Variants in AIG1 observed in about 807,000 individuals in gnomAD.
AIG1 encodes the protein androgen-induced gene 1 protein.
Under a neutral mutation model 31.4 loss-of-function variants are expected in AIG1, and 23 were observed. The ratio of observed to expected loss-of-function variants is 0.73; its 90% CI spans 0.53 to 1.04. AIG1 has a LOEUF of 1.04. Among genes scored for constraint, AIG1 ranks in the 50% least tolerant of loss-of-function variants. The pLI, the probability that AIG1 is intolerant of heterozygous loss-of-function variation, is 0.00. For missense variants in AIG1, 274 were observed against 295.0 expected (o/e 0.93, Z 0.52); for synonymous variants, 100 against 110.5 (o/e 0.90, Z 0.60).
chr6:143,287,332 A>C (rs1307042895), intron 4 of AIG1, among the ~76,000 whole-genome samples: 2 of 152,104 alleles, frequency 1.3e-5, no homozygotes, highest in Non-Finnish European at 2.9e-5. Context: ...TTAGTTCCCC[A>C]AACAGTCCTT....
Position 143,327,381 on chromosome 6 carries a change from G to A in AIG1, c.516-5901G>A. ...ATCAACATTCACAAGCGCGTCCATGGAGTGGGCTTCAAGAAGTCTGCCCCT... is the reference window on the plus strand; with the variant it reads ...ATCAACATTCACAAGCGCGTCCATGAAGTGGGCTTCAAGAAGTCTGCCCCT... On this transcript the variant is annotated intron_variant, in intron 4 of 5. Transcript: ENST00000357847. The surrounding 1 kb of genome is among the most constrained non-coding windows in gnomAD (Gnocchi z 5.3). The A allele has an allele frequency of 3.2e-6, 1 of 312,368 alleles. No homozygotes were observed. The highest frequency in any genetic ancestry group is 3.4e-5 in the South Asian group (1 of 29,266). 19.3% of individuals were successfully genotyped at this position (312,368 alleles called of 1,614,324 possible).
At position 143,171,431 on chromosome 6, in the gene AIG1, AAT is replaced by A. The variant is rs1364713139; in HGVS notation, c.399+6258_399+6259del. Among the ~76,000 whole-genome samples, 608 of 94,790 alleles carry A rather than the reference AAT, an allele frequency of 6.4e-3. 5 individuals carry two copies. Among genetic ancestry groups the A allele is most frequent in the Non-Finnish European group, 7.7e-3 (411 of 53,376 alleles). 62.2% of individuals were successfully genotyped at this position (94,790 alleles called of 152,430 possible). A position where few individuals can be genotyped will look rare whatever the true frequency, so the allele number is the denominator to read the frequency against. On this transcript the variant is annotated intron_variant, in intron 3 of 5. Coordinates refer to ENST00000357847, the MANE Select transcript of AIG1 (RefSeq NM_016108.4). ...GTGTGTATATATATATAATATATATAATATATATATAATATATATATTTAATA... is the reference window on the plus strand; with the variant it reads ...GTGTGTATATATATATAATATATATAATATATATAATATATATATTTAATA...
chr6:143,303,887 C>A (rs1799035291), intron 4 of AIG1, among the ~76,000 whole-genome samples: 1 of 147,896 alleles, frequency 6.8e-6, no homozygotes. Context: ...TTGTTTGTAT[C>A]CTCTTTTATT....
intron 3 of AIG1, among the ~76,000 whole-genome samples, chr6:143,270,147 A>C (rs1359059644): frequency 6.6e-6 from 1 of 152,182 alleles, no homozygotes; most frequent in Admixed American, 6.5e-5. Flanking sequence ...GAGGTCCAGA[A>C]GGGCTCCAGT....
In AIG1 at chr6:143,081,284, C is replaced by T. The variant is rs561838623; in HGVS notation, c.141+20218C>T. ...AGTGTAAGTGATATTGTATACCTAA[C>T]GCCTGGGATACTCCCTGCGTTACTG... On this transcript the variant is annotated intron_variant, in intron 1 of 5. Coordinates refer to ENST00000357847, the MANE Select transcript of AIG1 (RefSeq NM_016108.4). 4.6e-5 allele frequency among the ~76,000 whole-genome samples: 7 copies of T among 152,190 alleles called. No homozygotes were observed. In the South Asian group the frequency reaches 6.2e-4, roughly 14 times the overall value.
chr6:143,236,659 A>G (rs1793829658), intron 3 of AIG1, among the ~76,000 whole-genome samples: 1 of 152,000 alleles, frequency 6.6e-6, no homozygotes, highest in African/African-American at 2.4e-5. Context: ...AGTAGGCTCC[A>G]GTCCTTTGTG....
At chr6:143,171,047 A>C (rs1238287991) in intron 3 of AIG1, among the ~76,000 whole-genome samples, 1 of 152,052 alleles carries the variant, frequency 6.6e-6, no homozygotes, top group Non-Finnish European at 1.5e-5. Flanking sequence ...ATTCAATGAA[A>C]TAATAGCTGA....
intron 3 of AIG1, among the ~76,000 whole-genome samples, chr6:143,247,701 G>T (rs575749079): frequency 1.1e-4 from 17 of 152,186 alleles, no homozygotes; most frequent in African/African-American, 4.1e-4. Context: ...GCACAGAAAG[G>T]TTAAGAAACT....
intron 1 of AIG1, among the ~76,000 whole-genome samples, chr6:143,122,747 G>A (rs952958633): frequency 1.3e-5 from 2 of 151,828 alleles, no homozygotes; most frequent in African/African-American, 4.8e-5. Flanking sequence ...TTACTACCAT[G>A]GCCACCCCTG....
rs1371619871 is a variant in AIG1 at position 143,330,083 on chromosome 6, T to C, written c.516-3199T>C. Among the ~76,000 whole-genome samples the C allele has an allele frequency of 6.6e-6, 1 of 152,186 alleles. No individual in the cohort carries two copies. The highest frequency in any genetic ancestry group is 6.5e-5 in the Admixed American group (1 of 15,280). On this transcript the variant is annotated intron_variant, in intron 4 of 5. Coordinates refer to ENST00000357847, the MANE Select transcript of AIG1 (RefSeq NM_016108.4). The surrounding 1 kb of genome is among the most constrained non-coding windows in gnomAD (Gnocchi z 4.4). ...TAGTAATGGCTCAATAAACAGATGTTGCTGTTTATATTCCTTCATTAGATT... is the reference window on the plus strand; with the variant it reads ...TAGTAATGGCTCAATAAACAGATGTCGCTGTTTATATTCCTTCATTAGATT...
intron 3 of AIG1, among the ~76,000 whole-genome samples, chr6:143,210,048 C>A (rs1311047462): frequency 1.3e-5 from 2 of 152,268 alleles, no homozygotes; most frequent in African/African-American, 2.4e-5. Context: ...ATGGGAGGGA[C>A]CTGGTGGGAG....
At chr6:143,247,029 G>A (rs760155381) in intron 3 of AIG1, among the ~76,000 whole-genome samples, 15 of 152,208 alleles carry the variant, frequency 9.9e-5, no homozygotes, top group Non-Finnish European at 1.6e-4. Flanking sequence ...GCTTCCAGTT[G>A]TTCTGTCCCC....
At chr6:143,141,669 TG>T (rs2128529212) in intron 2 of AIG1, among the ~76,000 whole-genome samples, 1 of 152,292 alleles carries the variant, frequency 6.6e-6, no homozygotes, top group Non-Finnish European at 1.5e-5. Context: ...GGATAACCCA[TG>T]GGAGGCTCTT....
At chr6:143,177,563 A>G (rs896849078) in intron 3 of AIG1, among the ~76,000 whole-genome samples, 1 of 152,210 alleles carries the variant, frequency 6.6e-6, no homozygotes, top group African/African-American at 2.4e-5. Flanking sequence ...CTTCAGCTAT[A>G]ATCAGCATCA....
intron 3 of AIG1, among the ~76,000 whole-genome samples, chr6:143,214,350 T>A (rs920852160): frequency 1.3e-5 from 2 of 152,224 alleles, no homozygotes; most frequent in Admixed American, 1.3e-4. Flanking sequence ...TTTACACAAG[T>A]CATTTAACCT....
At chr6:143,246,314 C>T (rs1390258168) in intron 3 of AIG1, among the ~76,000 whole-genome samples, 2 of 151,642 alleles carry the variant, frequency 1.3e-5, no homozygotes, top group African/African-American at 4.8e-5. Flanking sequence ...TTCCACGTGG[C>T]TAGGAAGGCC....
intron 3 of AIG1, among the ~76,000 whole-genome samples, chr6:143,182,013 CT>C (rs963140229): frequency 3.3e-5 from 5 of 150,866 alleles, no homozygotes; most frequent in Admixed American, 1.3e-4. Context: ...CTCTCTCTCT[CT>C]TTTTTTTTCT....
downstream of AIG1, among the ~76,000 whole-genome samples, chr6:143,343,721 A>T (rs982773133): frequency 6.6e-6 from 1 of 152,140 alleles, no homozygotes; most frequent in Non-Finnish European, 1.5e-5. Context: ...ATGTGTTATA[A>T]ATATTTTTAA....
chr6:143,084,423 T>G (rs1269144457), intron 1 of AIG1, among the ~76,000 whole-genome samples: 4 of 152,192 alleles, frequency 2.6e-5, no homozygotes, highest in African/African-American at 7.2e-5. Context: ...CTTTCCCTGT[T>G]CCAGAGCCTC....
Sources: allele counts gnomAD v4.1 joint callset (sites outside exome capture counted in the v4.1 genomes callset), GRCh38; gene constraint gnomAD v4.1.1; non-coding constraint Gnocchi (gnomAD v3.1); transcripts MANE v1.5; gene names NCBI Gene and HGNC (gene_info 2026-07-23, HGNC 2026-07-21).